The following PRKCB variants were observed in gnomAD, a reference collection of about 807,000 sequenced individuals.
PRKCB encodes the protein protein kinase C beta type.
Under a neutral mutation model 81.5 loss-of-function variants are expected in PRKCB, and 13 were observed. The observed-to-expected ratio is 0.16, with a 90% confidence interval of 0.10 to 0.25. The LOEUF (loss-of-function observed/expected upper bound fraction) is 0.25, where lower values mean the gene tolerates loss of function less well. Among genes scored for constraint, PRKCB ranks in the 10% least tolerant of loss-of-function variants. The pLI is 1.00. For synonymous variants in PRKCB, 335 were observed against 321.4 expected (o/e 1.04, Z -0.45); for missense variants, 509 against 875.7 (o/e 0.58, Z 5.29).
intron 5 of PRKCB, among the ~76,000 whole-genome samples, chr16:24,085,791 A>G (rs778061115): frequency 2.0e-5 from 3 of 152,194 alleles, no homozygotes; most frequent in Non-Finnish European, 2.9e-5. Flanking sequence ...TTGCTAACTT[A>G]GTTCCTGATT....
chr16:23,973,902 C>A (rs1260352307), intron 2 of PRKCB, among the ~76,000 whole-genome samples: 1 of 152,084 alleles, frequency 6.6e-6, no homozygotes, highest in Non-Finnish European at 1.5e-5. Flanking sequence ...AACACCTGGG[C>A]TCAAGCAATT....
chr16:24,095,457 G>T (rs1002133773), intron 7 of PRKCB, among the ~76,000 whole-genome samples: 1 of 152,166 alleles, frequency 6.6e-6, no homozygotes, highest in Non-Finnish European at 1.5e-5. Context: ...AGGTGGGGCA[G>T]TCTGGTTGTC....
At chr16:23,902,174 A>G (rs990852613) in intron 2 of PRKCB, among the ~76,000 whole-genome samples, 10 of 152,124 alleles carry the variant, frequency 6.6e-5, no homozygotes, top group African/African-American at 2.2e-4. Flanking sequence ...TCTTATCTGT[A>G]TGGACAATGC....
intron 3 of PRKCB, among the ~76,000 whole-genome samples, chr16:23,990,943 A>C (rs984305774): frequency 2.0e-5 from 3 of 152,214 alleles, no homozygotes; most frequent in Admixed American, 6.5e-5. Flanking sequence ...AACTGCATTC[A>C]GCATACCCCA....
At chr16:24,111,485 T>TTTA (rs1290174705) in intron 7 of PRKCB, among the ~76,000 whole-genome samples, 2 of 152,030 alleles carry the variant, frequency 1.3e-5, no homozygotes, top group African/African-American at 2.4e-5. Context: ...AGCCCCCATG[T>TTTA]TTATTATTAT....
At chr16:24,035,352 G>A in intron 4 of PRKCB, 67 bp from the exon 5 acceptor site, 2 of 1,569,198 alleles carry the variant, frequency 1.3e-6, no homozygotes, top group Non-Finnish European at 1.7e-6. Context: ...GGTCTTGGGT[G>A]GGGCAGATGT....
At chr16:23,978,216 C>A (rs1964649788) in intron 2 of PRKCB, among the ~76,000 whole-genome samples, 1 of 152,188 alleles carries the variant, frequency 6.6e-6, no homozygotes, top group African/African-American at 2.4e-5. Context: ...GACCAGTGAA[C>A]CCAGGGCCAC....
At chr16:24,142,897 CCCAGCCTCGT>C (rs1429866043) in intron 9 of PRKCB, among the ~76,000 whole-genome samples, 1 of 151,986 alleles carries the variant, frequency 6.6e-6, no homozygotes, top group African/African-American at 2.4e-5. Flanking sequence ...TGACCCTGTA[CCCAGCCTCGT>C]CCACAAACCT....
intron 16 of PRKCB, among the ~76,000 whole-genome samples, chr16:24,203,569 G>A (rs1967996761): frequency 6.6e-6 from 1 of 152,116 alleles, no homozygotes; most frequent in Admixed American, 6.5e-5. Flanking sequence ...CACATTTGCT[G>A]ATGTTCTTCC....
intron 8 of PRKCB, among the ~76,000 whole-genome samples, chr16:24,116,456 C>T (rs1966738709): frequency 6.6e-6 from 1 of 152,002 alleles, no homozygotes; most frequent in Non-Finnish European, 1.5e-5. Context: ...TCCCAAATTC[C>T]TTGTCTTGAG....
chr16:24,122,746 CA>C (rs3837786), intron 8 of PRKCB, among the ~76,000 whole-genome samples: 51,135 of 152,018 alleles, frequency 0.34, 9,207 homozygotes, highest in East Asian at 0.72. Flanking sequence ...AGGTGTGAGC[CA>C]CTGTGCCCAG....
At chr16:23,995,898 G>A (rs1035288084) in intron 3 of PRKCB, among the ~76,000 whole-genome samples, 2 of 152,106 alleles carry the variant, frequency 1.3e-5, no homozygotes, top group Non-Finnish European at 2.9e-5. Context: ...CCACCCAGAA[G>A]TGGACAGCTA....
chr16:23,929,468 T>C (rs1195478801), intron 2 of PRKCB, among the ~76,000 whole-genome samples: 5 of 152,066 alleles, frequency 3.3e-5, no homozygotes, highest in African/African-American at 9.7e-5. Flanking sequence ...ATCTGTCAAA[T>C]AGGAGTGAAA....
intron 3 of PRKCB, among the ~76,000 whole-genome samples, chr16:24,024,253 T>G (rs1275222114): frequency 6.6e-6 from 1 of 152,180 alleles, no homozygotes. Flanking sequence ...AGATGTGGAA[T>G]CTAATGAAGT....
At chr16:23,894,694 A>C (rs550528157) in intron 2 of PRKCB, among the ~76,000 whole-genome samples, 1 of 152,302 alleles carries the variant, frequency 6.6e-6, no homozygotes, top group East Asian at 1.9e-4. Flanking sequence ...TATTTTTTTA[A>C]GGCAGAAGAA....
At chr16:23,955,933 T>C in intron 2 of PRKCB, among the ~76,000 whole-genome samples, 1 of 151,844 alleles carries the variant, frequency 6.6e-6, no homozygotes, top group East Asian at 1.9e-4. Flanking sequence ...TCCAGGTTTG[T>C]ATTTTTTTAA....
intron 9 of PRKCB, among the ~76,000 whole-genome samples, chr16:24,128,281 A>G (rs561221204): frequency 1.3e-5 from 2 of 152,310 alleles, no homozygotes; most frequent in African/African-American, 4.8e-5. Context: ...AGGCTGAGGC[A>G]GGAGAATCGC....
At chr16:23,874,638 G>T (rs4435258) in intron 2 of PRKCB, among the ~76,000 whole-genome samples, 145,472 of 150,520 alleles carry the variant, frequency 0.97, 70,331 homozygotes, top group East Asian at 1. Context: ...TTTCCTAATT[G>T]TGAAGTGTTG....
At chr16:24,141,156 T>A (rs960658760) in intron 9 of PRKCB, among the ~76,000 whole-genome samples, 2 of 152,182 alleles carry the variant, frequency 1.3e-5, no homozygotes, top group Non-Finnish European at 2.9e-5. Context: ...TACCCTGATA[T>A]CCAACCTGCT....
Sources: allele counts gnomAD v4.1 joint callset (sites outside exome capture counted in the v4.1 genomes callset), GRCh38; gene constraint gnomAD v4.1.1; transcripts MANE v1.5; gene names NCBI Gene and HGNC (gene_info 2026-07-23, HGNC 2026-07-21).